The following COL2A1 variants were observed in gnomAD, a reference collection of about 807,000 sequenced individuals.
COL2A1 encodes the protein collagen alpha-1(II) chain.
Under a neutral mutation model 204.5 loss-of-function variants are expected in COL2A1, and 28 were observed. That is an observed-to-expected ratio of 0.14 (90% CI 0.10 to 0.19). The LOEUF (loss-of-function observed/expected upper bound fraction) is 0.19, where lower values mean the gene tolerates loss of function less well. Among genes scored for constraint, COL2A1 ranks in the 10% least tolerant of loss-of-function variants. The probability of loss-of-function intolerance (pLI) is 1.00; values close to 1 mark genes in which losing one functional copy is unlikely to be tolerated. For synonymous variants in COL2A1, 708 were observed against 718.7 expected (o/e 0.99, Z 0.24); for missense variants, 1,388 against 2,027.5 (o/e 0.68, Z 6.06).
At chr12:47,979,847 C>T (rs1405847580) in intron 40 of COL2A1, among the ~76,000 whole-genome samples, 162 bp downstream of exon 40, 1 of 152,198 alleles carries the variant, frequency 6.6e-6, no homozygotes, top group Non-Finnish European at 1.5e-5. Context: ...ACCCAGCCCA[C>T]AGGCGCCCTC....
At position 47,976,183 on chromosome 12, in the gene COL2A1, C is replaced by G. The variant is rs972683794; in HGVS notation, c.3490-113G>C. 5 of 803,588 alleles carry G rather than the reference C, an allele frequency of 6.2e-6. No individual in the cohort carries two copies. Among genetic ancestry groups the G allele is most frequent in the Non-Finnish European group, 6.7e-6 (3 of 449,440 alleles). 49.8% of individuals were successfully genotyped at this position (803,588 alleles called of 1,614,324 possible). A position where few individuals can be genotyped will look rare whatever the true frequency, so the allele number is the denominator to read the frequency against. On this transcript the variant is annotated intron_variant, in intron 49 of 53. Transcript: ENST00000380518. The surrounding 1 kb of genome is among the most constrained non-coding windows in gnomAD (Gnocchi z 4.3). ...AGCACCAGCCACTCCGCCCCCAGTTCTTCACATGCTCAGTCATGGAACCCT... is the reference window on the plus strand; with the variant it reads ...AGCACCAGCCACTCCGCCCCCAGTTGTTCACATGCTCAGTCATGGAACCCT...
rs1189340786 is a variant in COL2A1, at chr12:47,976,280, T to A, written c.3490-210A>T. Among the ~76,000 whole-genome samples, 1 of 151,502 alleles carries A rather than the reference T, an allele frequency of 6.6e-6. No homozygotes were observed. Among genetic ancestry groups the A allele is most frequent in the Non-Finnish European group, 1.5e-5 (1 of 68,038 alleles). The stretch of plus-strand genomic sequence containing the variant: ...TTGCCTACCCTCCTAAGCTCCTCTT[T>A]GTAAAATGCTGTTCTGTCTGACAGC... On this transcript the variant is annotated intron_variant, in intron 49 of 53. Coordinates refer to ENST00000380518, the MANE Select transcript of COL2A1 (RefSeq NM_001844.5). The surrounding 1 kb of genome is among the most constrained non-coding windows in gnomAD (Gnocchi z 4.3).
At chr12:47,988,499 A>C (rs740024) in intron 18 of COL2A1, 75,013 of 154,114 alleles carry the variant, frequency 0.49, 18,630 homozygotes, top group East Asian at 0.57. Context: ...TATTATTTTC[A>C]AAAGGTCAGC....
rs1940164478 is a variant in COL2A1 at position 48,000,136 on chromosome 12, G to T, written c.86-11C>A. 6.2e-7 allele frequency: 1 copy of T among 1,606,108 alleles called. No homozygotes were observed. Among genetic ancestry groups the T allele is most frequent in the Non-Finnish European group, 8.5e-7 (1 of 1,174,568 alleles). On this transcript the variant is annotated splice_polypyrimidine_tract_variant and intron_variant, in intron 1 of 53. Transcript: ENST00000380518. ...AGCTGCCAGCCTCCTCTGCACCAAGGGTGGGGAGGGAGAAGCAGAGAGCCA... is the reference window on the plus strand; with the variant it reads ...AGCTGCCAGCCTCCTCTGCACCAAGTGTGGGGAGGGAGAAGCAGAGAGCCA...
chr12:48,004,467 A>T lies in COL2A1; in HGVS notation c.-146T>A. 1.8e-6 allele frequency: 1 copy of T among 569,896 alleles called. No individual in the cohort carries two copies. Among genetic ancestry groups the T allele is most frequent in the Non-Finnish European group, 3.1e-6 (1 of 321,756 alleles). The allele number at this position is 569,896 out of a possible 1,614,324, so 35.3% of individuals were successfully genotyped here. A position where few individuals can be genotyped will look rare whatever the true frequency, so the allele number is the denominator to read the frequency against. On this transcript the variant is annotated 5_prime_UTR_variant, in exon 1 of 54. Transcript: ENST00000380518. Reference sequence around the variant, plus strand: ...GAAGCGGGAGACCCGGCAGCCCAGCAGCGCTCTGCGTCTTCTCCCCGCCGC... The same window carrying T: ...GAAGCGGGAGACCCGGCAGCCCAGCTGCGCTCTGCGTCTTCTCCCCGCCGC...
chr12:48,003,816 T>C (rs1940345394), intron 1 of COL2A1, among the ~76,000 whole-genome samples: 1 of 152,336 alleles, frequency 6.6e-6, no homozygotes, highest in South Asian at 2.1e-4. Context: ...GCGCTCTCTC[T>C]TTCCTACTTC....
In COL2A1 at chr12:47,980,283, G is replaced by C. The variant is rs956503631; in HGVS notation, c.2626-221C>G. Reference sequence around the variant, plus strand: ...TCAGGCAACCACAGAACCGGTCTGGGGTCTGGCCTCCCGGGAAGCTCTTCC... The same window carrying C: ...TCAGGCAACCACAGAACCGGTCTGGCGTCTGGCCTCCCGGGAAGCTCTTCC... On this transcript the variant is annotated intron_variant, in intron 39 of 53. Coordinates refer to ENST00000380518, the MANE Select transcript of COL2A1 (RefSeq NM_001844.5). The surrounding 1 kb of genome is among the most constrained non-coding windows in gnomAD (Gnocchi z 4.5). 3.9e-5 allele frequency among the ~76,000 whole-genome samples: 6 copies of C among 152,150 alleles called. No homozygotes were observed. Among genetic ancestry groups the C allele is most frequent in the Admixed American group, 3.9e-4 (6 of 15,274 alleles).
Position 47,987,238 on chromosome 12 carries a change from TG to T in COL2A1, c.1266+30del, listed in dbSNP as rs772934640. Reference sequence around the variant, plus strand: ...GGGGAGAGGCAGGACTGGGCTCTCCTGGGGTAGCAAAGTCCACGGGCAACAC... The same window carrying T: ...GGGGAGAGGCAGGACTGGGCTCTCCTGGGTAGCAAAGTCCACGGGCAACAC... On this transcript the variant is annotated intron_variant, in intron 20 of 53. Coordinates refer to ENST00000380518, the MANE Select transcript of COL2A1 (RefSeq NM_001844.5). The surrounding 1 kb of genome is among the most constrained non-coding windows in gnomAD (Gnocchi z 4.1). The T allele has an allele frequency of 3.1e-6, 5 of 1,613,740 alleles. No homozygotes were observed. In the East Asian group the frequency reaches 1.1e-4, roughly 36 times the overall value.
In COL2A1 at chr12:48,004,150, G is replaced by A. The variant is rs567614983; in HGVS notation, c.85+87C>T. 5.8e-6 allele frequency: 6 copies of A among 1,037,392 alleles called. No individual in the cohort carries two copies. In the African/African-American group the frequency reaches 7.9e-5, roughly 14 times the overall value. 64.3% of individuals were successfully genotyped at this position (1,037,392 alleles called of 1,614,324 possible). A position where few individuals can be genotyped will look rare whatever the true frequency, so the allele number is the denominator to read the frequency against. On this transcript the variant is annotated intron_variant, in intron 1 of 53. Coordinates refer to ENST00000380518, the MANE Select transcript of COL2A1 (RefSeq NM_001844.5). ...GGAGCCGTTTTAGCCCGGAGCCGCG[G>A]GCTCCAGAGCTGGAGCGGGCCGGGG...
chr12:47,995,060 C>T (rs529382485), intron 11 of COL2A1, among the ~76,000 whole-genome samples, 195 bp downstream of exon 11: 111 of 152,252 alleles, frequency 7.3e-4, no homozygotes, highest in African/African-American at 2.6e-3. Flanking sequence ...GGATCCAAAG[C>T]GGTCCCCAGG....
At chr12:47,981,955 C>A in intron 35 of COL2A1, 126 bp from the exon 36 acceptor site, 1 of 1,305,722 alleles carries the variant, frequency 7.7e-7, no homozygotes, top group Non-Finnish European at 1.1e-6. Context: ...CCTCTGGCCC[C>A]ATTTTAACAG....
intron 16 of COL2A1, among the ~76,000 whole-genome samples, chr12:47,991,905 G>C (rs778386702): frequency 3.9e-5 from 6 of 152,314 alleles, no homozygotes; most frequent in Admixed American, 6.5e-5. Flanking sequence ...GCTGACAAAG[G>C]GGGGTCGAGG....
At chr12:47,988,645 T>G (rs1187029782) in intron 18 of COL2A1, among the ~76,000 whole-genome samples, 3 of 152,250 alleles carry the variant, frequency 2.0e-5, no homozygotes, top group Admixed American at 6.5e-5. Flanking sequence ...TGGAGGCTCC[T>G]TATTCATTCC....
chr12:47,979,626 G>A, intron 40 of COL2A1, 62 bp from the exon 41 acceptor site: 2 of 568,958 alleles, frequency 3.5e-6, no homozygotes, highest in Non-Finnish European at 6.7e-6. Context: ...AGATTAAAAT[G>A]GGCGGGGGGC....
rs1635560 is a variant in COL2A1 at position 47,974,046 on chromosome 12, G to A, written c.4317+43C>T. The A allele has an allele frequency of 0.23, 374,636 of 1,613,520 alleles. 44,204 individuals carry two copies. The highest frequency in any genetic ancestry group is 0.3 in the South Asian group (27,021 of 90,986). On this transcript the variant is annotated intron_variant, in intron 53 of 53. Transcript: ENST00000380518. ...GCCAACCCTCAGCCCTGCTCCAGGC[G>A]GTTTGGGCACAGGCAGCTCTTCTCT...
chr12:48,001,529 C>T (rs1436585731), intron 1 of COL2A1, among the ~76,000 whole-genome samples: 1 of 152,048 alleles, frequency 6.6e-6, no homozygotes, highest in Non-Finnish European at 1.5e-5. Flanking sequence ...AGAGCCCACC[C>T]TCGCCCATGA....
intron 24 of COL2A1, 36 bp downstream of exon 24, chr12:47,985,876 G>A: frequency 3.2e-6 from 5 of 1,568,896 alleles, no homozygotes; most frequent in Non-Finnish European, 4.3e-6. Context: ...CCTCAGCGAT[G>A]CAGGGAGGGA....
chr12:47,976,169 C>T lies in COL2A1; in HGVS notation c.3490-99G>A. 2.3e-6 allele frequency: 2 copies of T among 852,730 alleles called. No individual in the cohort carries two copies. The highest frequency in any genetic ancestry group is 1.3e-5 in the South Asian group (1 of 75,068). 52.8% of individuals were successfully genotyped at this position (852,730 alleles called of 1,614,324 possible). A position where few individuals can be genotyped will look rare whatever the true frequency, so the allele number is the denominator to read the frequency against. On this transcript the variant is annotated intron_variant, in intron 49 of 53. Transcript: ENST00000380518. The surrounding 1 kb of genome is among the most constrained non-coding windows in gnomAD (Gnocchi z 4.3). ...GTGGCTGTCCTGATAGCACCAGCCA[C>T]TCCGCCCCCAGTTCTTCACATGCTC...
intron 16 of COL2A1, among the ~76,000 whole-genome samples, chr12:47,992,591 G>T (rs543785246): frequency 3.9e-4 from 59 of 152,312 alleles, no homozygotes; most frequent in Non-Finnish European, 6.6e-4. Flanking sequence ...GTAAACTCCA[G>T]CTGGATTGCC....
Sources: gnomAD v4.1 joint callset for allele counts (sites outside exome capture counted in the v4.1 genomes callset) on GRCh38, gnomAD v4.1.1 for gene constraint, Gnocchi (gnomAD v3.1) non-coding constraint, MANE v1.5 for transcripts, NCBI Gene and HGNC (gene_info 2026-07-23, HGNC 2026-07-21) for gene names.